The following ZDHHC21 variants were observed in gnomAD, a reference collection of about 807,000 sequenced individuals.
ZDHHC21 encodes the protein zDHHC palmitoyltransferase 21, also known as palmitoyltransferase ZDHHC21.
Under a neutral mutation model 34.6 loss-of-function variants are expected in ZDHHC21, and 15 were observed. That is an observed-to-expected ratio of 0.43 (90% CI 0.29 to 0.67). ZDHHC21 has a LOEUF of 0.67. ZDHHC21 is among the 30% of genes least tolerant of loss of function. The pLI is 0.14. For synonymous variants in ZDHHC21, 142 were observed against 101.8 expected (o/e 1.40, Z -2.38); for missense variants, 344 against 327.7 (o/e 1.05, Z -0.38).
intron 7 of ZDHHC21, among the ~76,000 whole-genome samples, chr9:14,647,253 T>C (rs533200904): frequency 5.7e-4 from 87 of 152,178 alleles, no homozygotes; most frequent in Non-Finnish European, 1.1e-3. Context: ...TTTTAAATGT[T>C]ACAAAACTAG....
chr9:14,642,470 AT>A (rs1829536536), intron 7 of ZDHHC21, among the ~76,000 whole-genome samples: 1 of 152,166 alleles, frequency 6.6e-6, no homozygotes, highest in Admixed American at 6.5e-5. Flanking sequence ...GTCCCCCAAA[AT>A]TCCTATGTTG....
intron 7 of ZDHHC21, among the ~76,000 whole-genome samples, chr9:14,644,103 G>C (rs1458887674): frequency 1.3e-5 from 2 of 152,092 alleles, no homozygotes; most frequent in Admixed American, 6.5e-5. Flanking sequence ...TAAAGGACTT[G>C]CACTTTGTCA....
At position 14,618,862 on chromosome 9, in the gene ZDHHC21, T is replaced by G; in HGVS notation, c.*104A>C. The G allele has an allele frequency of 7.7e-7, 1 of 1,301,186 alleles. No individual in the cohort carries two copies. The highest frequency in any genetic ancestry group is 1.0e-6 in the Non-Finnish European group (1 of 986,178). 80.6% of individuals were successfully genotyped at this position (1,301,186 alleles called of 1,614,324 possible). A position where few individuals can be genotyped will look rare whatever the true frequency, so the allele number is the denominator to read the frequency against. The stretch of plus-strand genomic sequence containing the variant: ...GGCACATTATGATGCCTAAGACTGG[T>G]GGGTGGATTTTAATTGACTTGAAGA... On this transcript the variant is annotated 3_prime_UTR_variant, in exon 10 of 10. Coordinates refer to ENST00000380916, the MANE Select transcript of ZDHHC21 (RefSeq NM_178566.6).
intron 8 of ZDHHC21, among the ~76,000 whole-genome samples, chr9:14,625,541 G>A (rs1826053076): frequency 1.3e-5 from 2 of 151,808 alleles, no homozygotes; most frequent in African/African-American, 2.4e-5. Flanking sequence ...AAATAATAAC[G>A]CTTACCTCAT....
At chr9:14,637,054 C>G (rs10810196) in intron 8 of ZDHHC21, among the ~76,000 whole-genome samples, 2 of 151,406 alleles carry the variant, frequency 1.3e-5, no homozygotes, top group Non-Finnish European at 2.9e-5. Context: ...TAATGAAGAC[C>G]AGATGAGACG....
the ZDHHC21 span, among the ~76,000 whole-genome samples, chr9:14,605,458 T>A: frequency 1.3e-5 from 2 of 152,202 alleles, no homozygotes; most frequent in Non-Finnish European, 2.9e-5. Context: ...TCCCTTCACG[T>A]ACCTGTTGGT....
chr9:14,691,201 C>G (rs1333694563), intron 1 of ZDHHC21, among the ~76,000 whole-genome samples: 3 of 152,094 alleles, frequency 2.0e-5, no homozygotes, highest in African/African-American at 7.2e-5. Context: ...TTTACTAAAC[C>G]ACTATATAAT....
chr9:14,640,805 T>TGA, intron 7 of ZDHHC21, among the ~76,000 whole-genome samples: 1 of 152,092 alleles, frequency 6.6e-6, no homozygotes, highest in African/African-American at 2.4e-5. Flanking sequence ...TAAAGGCAGG[T>TGA]CTTCTGGCTC....
At chr9:14,596,178 A>G in the ZDHHC21 span, among the ~76,000 whole-genome samples, 4 of 152,356 alleles carry the variant, frequency 2.6e-5, no homozygotes, top group Admixed American at 6.5e-5. Flanking sequence ...TGTTTATAGT[A>G]AATGAATCGA....
chr9:14,655,869 A>ATG (rs1832112322), intron 7 of ZDHHC21, among the ~76,000 whole-genome samples: 1 of 151,430 alleles, frequency 6.6e-6, no homozygotes, highest in Non-Finnish European at 1.5e-5. Flanking sequence ...ATAATTTTTT[A>ATG]ATGAAATATC....
chr9:14,658,506 T>C (rs1416775501), intron 7 of ZDHHC21, among the ~76,000 whole-genome samples: 1 of 124,874 alleles, frequency 8.0e-6, no homozygotes. Flanking sequence ...GGAGTCTCGC[T>C]GTCGCCCAGG....
chr9:14,652,433 C>G (rs1288591805), intron 7 of ZDHHC21, among the ~76,000 whole-genome samples: 1 of 151,860 alleles, frequency 6.6e-6, no homozygotes, highest in Non-Finnish European at 1.5e-5. Context: ...AAGATAAATT[C>G]AAGTATTTCC....
chr9:14,606,804 G>A (rs1354010307), downstream of ZDHHC21, among the ~76,000 whole-genome samples: 5 of 151,820 alleles, frequency 3.3e-5, no homozygotes, highest in Non-Finnish European at 5.9e-5. Flanking sequence ...ACAAGCAAAG[G>A]TAACCTAGTC....
chr9:14,681,918 G>T (rs961543134), intron 2 of ZDHHC21, among the ~76,000 whole-genome samples: 2 of 152,110 alleles, frequency 1.3e-5, no homozygotes, highest in Non-Finnish European at 2.9e-5. Context: ...TTTCAACCCA[G>T]AATTTCATAT....
chr9:14,671,244 G>T (rs989449353), intron 5 of ZDHHC21, among the ~76,000 whole-genome samples: 2 of 151,978 alleles, frequency 1.3e-5, no homozygotes, highest in African/African-American at 4.8e-5. Flanking sequence ...TGGTTTGTTT[G>T]ACCCTCAGAA....
At chr9:14,597,343 G>A in the ZDHHC21 span, among the ~76,000 whole-genome samples, 1 of 152,058 alleles carries the variant, frequency 6.6e-6, no homozygotes, top group Non-Finnish European at 1.5e-5. Context: ...CAGCAGTGTG[G>A]CTGGGTATCC....
intron 3 of ZDHHC21, among the ~76,000 whole-genome samples, chr9:14,674,782 A>T (rs539554924): frequency 6.6e-6 from 1 of 151,960 alleles, no homozygotes; most frequent in Non-Finnish European, 1.5e-5. Flanking sequence ...TAGTAGCTTT[A>T]ATCAGAAGAC....
intron 2 of ZDHHC21, among the ~76,000 whole-genome samples, chr9:14,689,007 A>C (rs1167286345): frequency 6.6e-6 from 1 of 152,174 alleles, no homozygotes; most frequent in Non-Finnish European, 1.5e-5. Flanking sequence ...CTGTGACTGC[A>C]CTGCACTCCA....
At chr9:14,597,475 C>T in the ZDHHC21 span, among the ~76,000 whole-genome samples, 10 of 152,292 alleles carry the variant, frequency 6.6e-5, no homozygotes, top group South Asian at 8.3e-4. Context: ...AGCGGCCTGC[C>T]TTGGGCCAAT....
Sources: allele counts gnomAD v4.1 joint callset (sites outside exome capture counted in the v4.1 genomes callset), GRCh38; gene constraint gnomAD v4.1.1; transcripts MANE v1.5; gene names NCBI Gene and HGNC (gene_info 2026-07-23, HGNC 2026-07-21).